Variants in DLG2 observed in about 807,000 individuals in gnomAD.
The protein encoded by DLG2 is discs large MAGUK scaffold protein 2.
In DLG2, 45 loss-of-function variants were observed where a neutral mutation model predicts 132.5. The observed-to-expected ratio is 0.34, with a 90% CI of 0.27 to 0.44. The LOEUF (loss-of-function observed/expected upper bound fraction) is 0.44, where lower values mean the gene tolerates loss of function less well. Among genes scored for constraint, DLG2 ranks in the 20% least tolerant of loss-of-function variants. DLG2 has a pLI of 1.00. For synonymous variants in DLG2, 424 were observed against 419.6 expected, an observed-to-expected ratio of 1.01 and a Z score of -0.13; for missense variants, 1,045 against 1,196.9, an observed-to-expected ratio of 0.87 and a Z score of 1.87.
chr11:84,251,637 C>CTTTTTTTTTTTTTTT lies in DLG2; in HGVS notation c.520-347_520-346insAAAAAAAAAAAAAAA, dbSNP rs369651884. Reference sequence around the variant, plus strand: ...GTAAGAGTTAAAACTTGTATCTTTTCTTTCTTTTTTTTTTTTTTTTGTGAG... The same window carrying CTTTTTTTTTTTTTTT: ...GTAAGAGTTAAAACTTGTATCTTTTCTTTTTTTTTTTTTTTTTTCTTTTTTTTTTTTTTTTGTGAG... On this transcript the variant is annotated intron_variant, in intron 7 of 27. Coordinates refer to ENST00000376104, the MANE Select transcript of DLG2 (RefSeq NM_001142699.3). Among the ~76,000 whole-genome samples, 4 of 130,040 alleles carry CTTTTTTTTTTTTTTT rather than the reference C, an allele frequency of 3.1e-5. 1 individual carries two copies. The highest frequency in any genetic ancestry group is 2.9e-5 in the African/African-American group (1 of 34,556). The allele number at this position is 130,040 out of a possible 152,430, so 85.3% of individuals were successfully genotyped here.
At chr11:84,893,396 G>A (rs977785708) in intron 6 of DLG2, among the ~76,000 whole-genome samples, 1 of 152,170 alleles carries the variant, frequency 6.6e-6, no homozygotes, top group African/African-American at 2.4e-5. Flanking sequence ...GTTTCAAATG[G>A]TGTGGCTTAA....
chr11:84,436,989 C>T (rs947534664), intron 7 of DLG2, among the ~76,000 whole-genome samples: 5 of 152,128 alleles, frequency 3.3e-5, no homozygotes, highest in Non-Finnish European at 5.9e-5. Context: ...GTATTTATAA[C>T]GCCCACTTCA....
At chr11:84,738,056 C>A (rs532165520) in intron 6 of DLG2, among the ~76,000 whole-genome samples, 1 of 151,962 alleles carries the variant, frequency 6.6e-6, no homozygotes, top group Non-Finnish European at 1.5e-5. Context: ...TCCTCTAGAG[C>A]GCAGCGTAAA....
intron 6 of DLG2, among the ~76,000 whole-genome samples, chr11:85,096,911 G>A (rs2069921402): frequency 6.6e-6 from 1 of 152,120 alleles, no homozygotes; most frequent in Non-Finnish European, 1.5e-5. Context: ...TGGTTTGCCT[G>A]GAACTATCTT....
chr11:84,592,365 CT>C (rs1334940672), intron 6 of DLG2, among the ~76,000 whole-genome samples: 1 of 152,146 alleles, frequency 6.6e-6, no homozygotes, highest in Non-Finnish European at 1.5e-5. Flanking sequence ...GTATGCTAGT[CT>C]CTTGAGAGTC....
Position 83,875,432 on chromosome 11 carries a change from A to G in DLG2, c.1497-944T>C, listed in dbSNP as rs1208567270. ...GGATTAGAAAGTTGCTCAGAGTCAC[A>G]TGGTAACTTCCTGTGCCTGAAATGG... is the stretch of plus-strand genomic sequence containing the variant. On this transcript the variant is annotated intron_variant, in intron 15 of 27. Transcript: ENST00000376104. Among the ~76,000 whole-genome samples, 3 of 152,176 alleles carry G rather than the reference A, an allele frequency of 2.0e-5. No homozygotes were observed. The East Asian group carries it at 5.8e-4, about 29-fold the overall frequency.
intron 6 of DLG2, among the ~76,000 whole-genome samples, chr11:84,584,141 A>C (rs1165334518): frequency 6.6e-6 from 1 of 152,130 alleles, no homozygotes; most frequent in African/African-American, 2.4e-5. Context: ...GGTTATACCC[A>C]CCAGTAGTAT....
At chr11:84,509,346 C>A (rs560863222) in intron 7 of DLG2, among the ~76,000 whole-genome samples, 2 of 152,292 alleles carry the variant, frequency 1.3e-5, no homozygotes, top group East Asian at 3.9e-4. Context: ...AAGCAAATTT[C>A]TCCTGTGAAT....
intron 6 of DLG2, among the ~76,000 whole-genome samples, chr11:84,907,914 G>A (rs1306005962): frequency 6.6e-6 from 1 of 152,246 alleles, no homozygotes; most frequent in East Asian, 1.9e-4. Context: ...GAATCTCAAA[G>A]TTCCCTTTTA....
intron 19 of DLG2, among the ~76,000 whole-genome samples, chr11:83,587,418 T>C (rs991102961): frequency 1.3e-5 from 2 of 152,130 alleles, no homozygotes; most frequent in Admixed American, 6.5e-5. Flanking sequence ...CACAGGTGCA[T>C]ACCACCATGC....
intron 17 of DLG2, among the ~76,000 whole-genome samples, chr11:83,831,034 T>C (rs753713590): frequency 6.6e-6 from 1 of 152,242 alleles, no homozygotes; most frequent in South Asian, 2.1e-4. Flanking sequence ...GACTTCTTAA[T>C]GTACCACCAT....
intron 5 of DLG2, among the ~76,000 whole-genome samples, chr11:85,143,628 C>G (rs917924167): frequency 1.3e-5 from 2 of 151,666 alleles, no homozygotes; most frequent in East Asian, 3.9e-4. Flanking sequence ...TGTTGTGTTT[C>G]CATTTTCATT....
chr11:84,950,417 T>C (rs765884362), intron 6 of DLG2, among the ~76,000 whole-genome samples: 12 of 152,232 alleles, frequency 7.9e-5, no homozygotes, highest in Non-Finnish European at 1.6e-4. Flanking sequence ...AACACAGATC[T>C]ATTCCTCCTA....
intron 7 of DLG2, among the ~76,000 whole-genome samples, chr11:84,410,338 C>G (rs1258024218): frequency 3.3e-5 from 5 of 152,038 alleles, no homozygotes; most frequent in African/African-American, 1.2e-4. Context: ...ACCCCACTCC[C>G]CATGAGCATT....
chr11:85,053,605 G>A (rs560762855), intron 6 of DLG2, among the ~76,000 whole-genome samples: 52 of 142,078 alleles, frequency 3.7e-4, no homozygotes, highest in Middle Eastern at 3.9e-3. Context: ...TGCCTAACAC[G>A]GTGAAACCCC....
chr11:83,831,564 G>A (rs1015128166), intron 17 of DLG2, among the ~76,000 whole-genome samples: 2 of 152,048 alleles, frequency 1.3e-5, no homozygotes, highest in African/African-American at 2.4e-5. Flanking sequence ...GAAAGAGAGA[G>A]AGATTTTCCC....
chr11:84,017,988 G>C (rs770499392), intron 11 of DLG2, among the ~76,000 whole-genome samples: 9 of 151,660 alleles, frequency 5.9e-5, no homozygotes, highest in Non-Finnish European at 1.2e-4. Context: ...TTTTATCATT[G>C]GTTTTCTGCA....
At chr11:85,128,251 T>A (rs924848316) in intron 5 of DLG2, among the ~76,000 whole-genome samples, 3 of 152,164 alleles carry the variant, frequency 2.0e-5, no homozygotes, top group African/African-American at 7.2e-5. Context: ...ATAAGTATGG[T>A]TAATGGATAT....
intron 6 of DLG2, among the ~76,000 whole-genome samples, chr11:84,914,320 T>A (rs1295623193): frequency 6.6e-6 from 1 of 152,204 alleles, no homozygotes. Context: ...GACTTTTTAT[T>A]TTATTGTCTA....
Sources: gnomAD v4.1 joint callset for allele counts (sites outside exome capture counted in the v4.1 genomes callset) on GRCh38, gnomAD v4.1.1 for gene constraint, MANE v1.5 for transcripts, NCBI Gene and HGNC (gene_info 2026-07-23, HGNC 2026-07-21) for gene names.